Variants in KIF13A observed in about 807,000 individuals in gnomAD.
KIF13A encodes the protein kinesin-like protein KIF13A.
KIF13A carries 79 observed loss-of-function variants against 212.2 expected under a neutral mutation model. The ratio of observed to expected loss-of-function variants is 0.37; its 90% CI spans 0.31 to 0.45. KIF13A has a LOEUF of 0.45. Ranked by LOEUF, KIF13A falls within the 20% of genes least tolerant of loss-of-function variation. The probability of loss-of-function intolerance (pLI) is 1.00; values close to 1 mark genes in which losing one functional copy is unlikely to be tolerated. For synonymous variants in KIF13A, 789 were observed against 808.6 expected, an observed-to-expected ratio of 0.98 and a Z score of 0.41; for missense variants, 1,901 against 2,209.0, an observed-to-expected ratio of 0.86 and a Z score of 2.79.
At chr6:17,761,718 C>T (rs1000113603), downstream of KIF13A, among the ~76,000 whole-genome samples, 1 of 152,164 alleles carries the variant, frequency 6.6e-6, no homozygotes, top group Non-Finnish European at 1.5e-5. Context: ...TCCATAATCC[C>T]ATCATCTTGA....
chr6:17,961,537 A>G lies in KIF13A; in HGVS notation c.146+25517T>C, dbSNP rs992160796. ...GACTACCATAAATTTGACATTAAAC[A>G]AAACAGCCCAGTGACTGTATTTATA... On this transcript the variant is annotated intron_variant, in intron 2 of 38. Transcript: ENST00000259711. The surrounding 1 kb of genome is among the most constrained non-coding windows in gnomAD (Gnocchi z 4.1). Among the ~76,000 whole-genome samples, 4 of 152,248 alleles carry G rather than the reference A, an allele frequency of 2.6e-5. No individual in the cohort carries two copies. The highest frequency in any genetic ancestry group is 6.5e-5 in the Admixed American group (1 of 15,286).
intron 16 of KIF13A, among the ~76,000 whole-genome samples, chr6:17,817,674 C>T (rs554763444): frequency 3.3e-5 from 5 of 152,194 alleles, no homozygotes; most frequent in Admixed American, 1.3e-4. Context: ...TTTTGGTATA[C>T]GACAAAGATT....
rs749057249 is a variant in KIF13A, at chr6:17,837,768, A to G, written c.831-185T>C. 4.6e-5 allele frequency among the ~76,000 whole-genome samples: 7 copies of G among 151,962 alleles called. No homozygotes were observed. Among genetic ancestry groups the G allele is most frequent in the Non-Finnish European group, 8.8e-5 (6 of 67,988 alleles). On this transcript the variant is annotated intron_variant, in intron 9 of 38. Transcript: ENST00000259711. The surrounding 1 kb of genome is among the most constrained non-coding windows in gnomAD (Gnocchi z 5.4). Reference sequence around the variant, plus strand: ...GGGGTTTGAGACCACCCTGGCCAACATGGTGAAACTCTGTCTCTACTAAAA... The same window carrying G: ...GGGGTTTGAGACCACCCTGGCCAACGTGGTGAAACTCTGTCTCTACTAAAA...
rs1772927725 is a variant in KIF13A at position 17,900,186 on chromosome 6, C to A, written c.147-2006G>T. Among the ~76,000 whole-genome samples the A allele has an allele frequency of 6.6e-6, 1 of 152,174 alleles. No homozygotes were observed. Among genetic ancestry groups the A allele is most frequent in the Non-Finnish European group, 1.5e-5 (1 of 68,022 alleles). On this transcript the variant is annotated intron_variant, in intron 2 of 38. Transcript: ENST00000259711. This position sits in a 1 kb window ranked among gnomAD's most constrained non-coding sequence, Gnocchi z 4.6. ...AGTAACCCAACGGGGCTGGGACAGA[C>A]TAGGGGAATCCCAGTGAGCTCTCTG...
rs994641855 is a variant in KIF13A at position 17,785,149 on chromosome 6, C to T, written c.3488+366G>A. 6.6e-6 allele frequency among the ~76,000 whole-genome samples: 1 copy of T among 152,170 alleles called. No homozygotes were observed. The highest frequency in any genetic ancestry group is 6.5e-5 in the Admixed American group (1 of 15,282). On this transcript the variant is annotated intron_variant, in intron 28 of 38. Coordinates refer to ENST00000259711, the MANE Select transcript of KIF13A (RefSeq NM_022113.6). This position sits in a 1 kb window ranked among gnomAD's most constrained non-coding sequence, Gnocchi z 5.8. ...TTTTATATACATTATCTCTAATTCTCACAATACTACCAAAAAAATAGCTCC... is the reference window on the plus strand; with the variant it reads ...TTTTATATACATTATCTCTAATTCTTACAATACTACCAAAAAAATAGCTCC...
chr6:17,817,524 A>G (rs1170375107), intron 16 of KIF13A, among the ~76,000 whole-genome samples: 3 of 152,246 alleles, frequency 2.0e-5, no homozygotes, highest in Non-Finnish European at 4.4e-5. Context: ...TACTACCAGC[A>G]GATGGGGGAA....
In KIF13A at chr6:17,937,152, T is replaced by C. The variant is rs547159105; in HGVS notation, c.147-38972A>G. On this transcript the variant is annotated intron_variant, in intron 2 of 38. Transcript: ENST00000259711. Reference sequence around the variant, plus strand: ...CAACCGCAGTCACTGCACTCTAGCCTGGGCGACATAGTGAGACCCTGTCTA... The same window carrying C: ...CAACCGCAGTCACTGCACTCTAGCCCGGGCGACATAGTGAGACCCTGTCTA... 5.9e-5 allele frequency among the ~76,000 whole-genome samples: 9 copies of C among 152,330 alleles called. No individual in the cohort carries two copies. The East Asian group carries it at 1.7e-3, about 29-fold the overall frequency.
intron 2 of KIF13A, among the ~76,000 whole-genome samples, chr6:17,913,339 C>T (rs1052753561): frequency 5.3e-5 from 8 of 152,252 alleles, no homozygotes; most frequent in Non-Finnish European, 1.0e-4. Flanking sequence ...ACACAGTGGG[C>T]ACTCAATAAT....
intron 25 of KIF13A, among the ~76,000 whole-genome samples, chr6:17,793,107 C>G (rs1761734754): frequency 2.6e-5 from 4 of 152,050 alleles, no homozygotes; most frequent in Admixed American, 1.3e-4. Flanking sequence ...TTTGAGACAG[C>G]CTTCCTCTGT....
At position 17,764,047 on chromosome 6, in the gene KIF13A, G is replaced by A. The variant is rs543661912; in HGVS notation, c.*63C>T. 1.3e-6 allele frequency: 2 copies of A among 1,546,636 alleles called. No homozygotes were observed. The highest frequency in any genetic ancestry group is 1.4e-5 in the African/African-American group (1 of 73,446). Reference sequence around the variant, plus strand: ...TCTTTGCTGTCACAAACAACTGGATGAATCTTTCCTACCAAGTTGTTGCGG... The same window carrying A: ...TCTTTGCTGTCACAAACAACTGGATAAATCTTTCCTACCAAGTTGTTGCGG... On this transcript the variant is annotated 3_prime_UTR_variant, in exon 39 of 39. Transcript: ENST00000259711. This position sits in a 1 kb window ranked among gnomAD's most constrained non-coding sequence, Gnocchi z 5.1.
chr6:17,987,188 G>A lies in KIF13A; in HGVS notation c.56-44C>T, dbSNP rs1353195506. The A allele has an allele frequency of 2.1e-6, 3 of 1,455,610 alleles. No homozygotes were observed. The highest frequency in any genetic ancestry group is 2.6e-5 in the East Asian group (1 of 38,782). The allele number at this position is 1,455,610 out of a possible 1,614,324, so 90.2% of individuals were successfully genotyped here. On this transcript the variant is annotated intron_variant, in intron 1 of 38. Coordinates refer to ENST00000259711, the MANE Select transcript of KIF13A (RefSeq NM_022113.6). The surrounding 1 kb of genome is among the most constrained non-coding windows in gnomAD (Gnocchi z 7.7). ...GGACGTTGCAAAGTCCAGCATCCGCGCCTCCAGCCCGCCCGCCCGCCAGCC... is the reference window on the plus strand; with the variant it reads ...GGACGTTGCAAAGTCCAGCATCCGCACCTCCAGCCCGCCCGCCCGCCAGCC...
intron 2 of KIF13A, among the ~76,000 whole-genome samples, chr6:17,965,978 G>C (rs929315484): frequency 2.0e-5 from 3 of 152,332 alleles, no homozygotes; most frequent in Middle Eastern, 6.8e-3. Flanking sequence ...GAGTTCACTT[G>C]AGGTCAGGAG....
At chr6:17,975,657 G>C (rs1780353685) in intron 2 of KIF13A, among the ~76,000 whole-genome samples, 1 of 152,172 alleles carries the variant, frequency 6.6e-6, no homozygotes, top group East Asian at 1.9e-4. Context: ...CTGATTGGTA[G>C]AGCCCAGAGG....
At chr6:17,833,497 CAAAAAAAAAA>C (rs59654452) in intron 12 of KIF13A, among the ~76,000 whole-genome samples, 2 of 97,974 alleles carry the variant, frequency 2.0e-5, no homozygotes, top group Admixed American at 2.2e-4. Context: ...ACCTTGTCTT[CAAAAAAAAAA>C]AAAAAAAAAA....
At chr6:17,928,460 C>A (rs1287461589) in intron 2 of KIF13A, among the ~76,000 whole-genome samples, 1 of 152,150 alleles carries the variant, frequency 6.6e-6, no homozygotes, top group Non-Finnish European at 1.5e-5. Flanking sequence ...GTGCTAGCCA[C>A]ATCAGAGGCC....
At chr6:17,911,971 C>T (rs753129304) in intron 2 of KIF13A, among the ~76,000 whole-genome samples, 10 of 152,002 alleles carry the variant, frequency 6.6e-5, no homozygotes, top group Admixed American at 1.3e-4. Context: ...CACCATGTTG[C>T]GCAGGTGGTC....
At chr6:17,821,657 CA>C in intron 16 of KIF13A, 1 of 1,043,644 alleles carries the variant, frequency 9.6e-7, no homozygotes, top group Non-Finnish European at 1.3e-6. Flanking sequence ...CTTCATCAGC[CA>C]GAAAACTCCA....
chr6:17,899,070 C>T lies in KIF13A; in HGVS notation c.147-890G>A, dbSNP rs1163529670. On this transcript the variant is annotated intron_variant, in intron 2 of 38. Coordinates refer to ENST00000259711, the MANE Select transcript of KIF13A (RefSeq NM_022113.6). The surrounding 1 kb of genome is among the most constrained non-coding windows in gnomAD (Gnocchi z 5.2). Reference sequence around the variant, plus strand: ...CTCAAACTCCTGACCTCAAGCAATCCCCCCACCTCAGCCTCCCAAAGTGCT... The same window carrying T: ...CTCAAACTCCTGACCTCAAGCAATCTCCCCACCTCAGCCTCCCAAAGTGCT... Among the ~76,000 whole-genome samples, 1 of 152,118 alleles carries T rather than the reference C, an allele frequency of 6.6e-6. No individual in the cohort carries two copies. The highest frequency in any genetic ancestry group is 1.5e-5 in the Non-Finnish European group (1 of 68,012).
At chr6:17,983,800 G>C (rs1167446579) in intron 2 of KIF13A, among the ~76,000 whole-genome samples, 1 of 152,082 alleles carries the variant, frequency 6.6e-6, no homozygotes. Context: ...GAACTACCTT[G>C]CTTCTGAATG....
Sources: allele counts gnomAD v4.1 joint callset (sites outside exome capture counted in the v4.1 genomes callset), GRCh38; gene constraint gnomAD v4.1.1; non-coding constraint Gnocchi (gnomAD v3.1); transcripts MANE v1.5; gene names NCBI Gene and HGNC (gene_info 2026-07-23, HGNC 2026-07-21).